The following SYK variants were observed in gnomAD, a reference collection of about 807,000 sequenced individuals.
SYK encodes spleen associated tyrosine kinase.
In SYK, 16 loss-of-function variants were observed where a neutral mutation model predicts 77.8. The observed-to-expected ratio is 0.21, with a 90% CI of 0.14 to 0.31. The LOEUF (loss-of-function observed/expected upper bound fraction) is 0.31, where lower values mean the gene tolerates loss of function less well. Ranked by LOEUF, SYK falls within the 10% of genes least tolerant of loss-of-function variation. The pLI, the probability that SYK is intolerant of heterozygous loss-of-function variation, is 1.00. For synonymous variants in SYK, 312 were observed against 308.7 expected, an observed-to-expected ratio of 1.01 and a Z score of -0.11; for missense variants, 529 against 814.4, an observed-to-expected ratio of 0.65 and a Z score of 4.26.
At chr9:90,842,203 GGT>G (rs1451286952) in intron 1 of SYK, among the ~76,000 whole-genome samples, 9 of 150,400 alleles carry the variant, frequency 6.0e-5, no homozygotes, top group East Asian at 2.0e-4. Flanking sequence ...TTGTGTGTGT[GGT>G]GTGTGTGTGA....
intron 11 of SYK, among the ~76,000 whole-genome samples, chr9:90,882,292 A>T (rs1443071424): frequency 6.6e-6 from 1 of 152,256 alleles, no homozygotes; most frequent in Non-Finnish European, 1.5e-5. Flanking sequence ...AAGGTGATGG[A>T]AACAGAAGTA....
At chr9:90,873,855 A>T (rs1827826751) in intron 7 of SYK, among the ~76,000 whole-genome samples, 1 of 152,220 alleles carries the variant, frequency 6.6e-6, no homozygotes, top group African/African-American at 2.4e-5. Context: ...CAAGGCGAAC[A>T]TGCAAATCAT....
At position 90,898,439 on chromosome 9, in the gene SYK, C is replaced by T. The variant is rs1587938460; in HGVS notation, c.*2839C>T. On this transcript the variant is annotated 3_prime_UTR_variant, in exon 14 of 14. Transcript: ENST00000375754. ...TCAGGTCTCCCAGCCCTGCAGAGAG[C>T]TCCCTCCACTGGTTAGCAGTGTGTT... 1.8e-5 allele frequency: 4 copies of T among 223,698 alleles called. No homozygotes were observed. The East Asian group carries it at 2.6e-4, about 14-fold the overall frequency. 13.9% of individuals were successfully genotyped at this position (223,698 alleles called of 1,614,324 possible).
chr9:90,843,179 A>G (rs10761394), intron 1 of SYK, among the ~76,000 whole-genome samples: 48,913 of 151,976 alleles, frequency 0.32, 7,939 homozygotes, highest in South Asian at 0.39. Context: ...CTCGGGAGCC[A>G]GGGAGGGTGT....
intron 1 of SYK, among the ~76,000 whole-genome samples, chr9:90,835,034 C>G (rs760031677): frequency 4.6e-5 from 7 of 152,254 alleles, no homozygotes; most frequent in Middle Eastern, 3.4e-3. Context: ...TGGGGAGAGG[C>G]CAGGGATGCT....
intron 9 of SYK, among the ~76,000 whole-genome samples, chr9:90,876,350 C>T (rs528419758): frequency 5.4e-5 from 8 of 148,434 alleles, no homozygotes; most frequent in Admixed American, 1.4e-4. Flanking sequence ...TCTGTCCCTT[C>T]GATTTGTTTT....
chr9:90,814,782 G>C (rs1411343518), intron 1 of SYK, among the ~76,000 whole-genome samples: 1 of 151,886 alleles, frequency 6.6e-6, no homozygotes, highest in African/African-American at 2.4e-5. Context: ...CCCTGGCCTG[G>C]CCCTTTTCAT....
rs1316901823 is a variant in SYK at position 90,811,101 on chromosome 9, G to C, written c.-42+9208G>C. Among the ~76,000 whole-genome samples, 2 of 152,112 alleles carry C rather than the reference G, an allele frequency of 1.3e-5. 1 individual carries two copies. The highest frequency in any genetic ancestry group is 3.8e-4 in the East Asian group (2 of 5,198). On this transcript the variant is annotated intron_variant, in intron 1 of 13. Transcript: ENST00000375754. ...TTTTAAAATAATTGTGAAGAGGCCT[G>C]TCTAAATGTGATAAAACATATGAAT...
intron 3 of SYK, among the ~76,000 whole-genome samples, chr9:90,855,011 TAC>T (rs55839931): frequency 0.074 from 10,560 of 143,282 alleles, 576 homozygotes; most frequent in African/African-American, 0.16. Context: ...CACACATACA[TAC>T]ACACACACAC....
At chr9:90,821,786 G>T (rs1351325932) in intron 1 of SYK, among the ~76,000 whole-genome samples, 1 of 151,976 alleles carries the variant, frequency 6.6e-6, no homozygotes, top group Non-Finnish European at 1.5e-5. Flanking sequence ...TTTTCAAATT[G>T]TGGTGACTTT....
At chr9:90,890,479 A>G (rs1828746021) in intron 13 of SYK, among the ~76,000 whole-genome samples, 1 of 152,154 alleles carries the variant, frequency 6.6e-6, no homozygotes, top group South Asian at 2.1e-4. Flanking sequence ...TTCTAAACGT[A>G]TTTTCCCGCC....
chr9:90,823,714 T>A (rs1019829604), intron 1 of SYK, among the ~76,000 whole-genome samples: 10 of 152,110 alleles, frequency 6.6e-5, no homozygotes, highest in African/African-American at 2.4e-4. Context: ...AATAAAAATA[T>A]AATTTATCAA....
intron 1 of SYK, among the ~76,000 whole-genome samples, chr9:90,833,319 G>A (rs1310633580): frequency 6.6e-6 from 1 of 152,232 alleles, no homozygotes; most frequent in South Asian, 2.1e-4. Flanking sequence ...GTTCCAGGCA[G>A]TAGAGAACAA....
intron 1 of SYK, among the ~76,000 whole-genome samples, chr9:90,820,163 T>C (rs1825456528): frequency 6.6e-6 from 1 of 152,230 alleles, no homozygotes; most frequent in East Asian, 1.9e-4. Flanking sequence ...CCCTCATGGC[T>C]GCTTTCACAG....
intron 1 of SYK, among the ~76,000 whole-genome samples, chr9:90,818,954 A>C (rs1056984052): frequency 2.0e-5 from 3 of 152,002 alleles, no homozygotes; most frequent in African/African-American, 7.2e-5. Flanking sequence ...TTCTCATGCT[A>C]TCAGCTGATT....
chr9:90,856,925 C>T (rs1009160603), intron 3 of SYK, among the ~76,000 whole-genome samples: 12 of 152,234 alleles, frequency 7.9e-5, no homozygotes, highest in African/African-American at 2.9e-4. Flanking sequence ...CTTCACAGGT[C>T]CTTGCTTTAA....
chr9:90,879,880 TG>T lies in SYK; in HGVS notation c.1581+928del, dbSNP rs1239115562. On this transcript the variant is annotated intron_variant, in intron 11 of 13. Coordinates refer to ENST00000375754, the MANE Select transcript of SYK (RefSeq NM_003177.7). ...TTGCTAATATAACTTGACCCCTCTC[TG>T]AACCCTCAAATGAACCAATAACAAC... Among the ~76,000 whole-genome samples, 4 of 152,324 alleles carry T rather than the reference TG, an allele frequency of 2.6e-5. No individual in the cohort carries two copies. In the East Asian group the frequency reaches 7.7e-4, roughly 29 times the overall value.
intron 1 of SYK, among the ~76,000 whole-genome samples, chr9:90,830,655 T>C (rs1330866995): frequency 6.6e-6 from 1 of 150,646 alleles, no homozygotes; most frequent in African/African-American, 2.4e-5. Context: ...GCATGATTTC[T>C]GCTCACTGCA....
chr9:90,877,881 A>G, intron 10 of SYK, 101 bp downstream of exon 10: 1 of 1,229,694 alleles, frequency 8.1e-7, no homozygotes, highest in Non-Finnish European at 1.2e-6. Context: ...AAGCCTTCCC[A>G]CCCTCCTGTG....
Sources: gnomAD v4.1 joint callset for allele counts (sites outside exome capture counted in the v4.1 genomes callset) on GRCh38, gnomAD v4.1.1 for gene constraint, MANE v1.5 for transcripts, NCBI Gene and HGNC (gene_info 2026-07-23, HGNC 2026-07-21) for gene names.